The following ATP6V0D1 variants were observed in gnomAD, a reference collection of about 807,000 sequenced individuals.
ATP6V0D1 encodes V-type proton ATPase subunit d 1.
Under a neutral mutation model 39.0 loss-of-function variants are expected in ATP6V0D1, and 13 were observed. The observed-to-expected ratio is 0.33, with a 90% CI of 0.22 to 0.53. The LOEUF is 0.53. Ranked by LOEUF, ATP6V0D1 falls within the 20% of genes least tolerant of loss-of-function variation. ATP6V0D1 has a pLI of 0.94. For missense variants in ATP6V0D1, 272 were observed against 470.9 expected, an observed-to-expected ratio of 0.58 and a Z score of 3.91; for synonymous variants, 191 against 191.2, an observed-to-expected ratio of 1.00 and a Z score of 0.01.
chr16:67,448,435 G>A lies in ATP6V0D1; in HGVS notation c.303-3729C>T, dbSNP rs746949979. 5.9e-5 allele frequency among the ~76,000 whole-genome samples: 9 copies of A among 152,138 alleles called. 1 individual carries two copies. In the South Asian group the frequency reaches 1.0e-3, roughly 18 times the overall value. On this transcript the variant is annotated intron_variant, in intron 2 of 7. Coordinates refer to ENST00000290949, the MANE Select transcript of ATP6V0D1 (RefSeq NM_004691.5). ...AGCACTTTGGGAGGCCGAGGAGGGC[G>A]GATCACTTGAGGCCAGGAGTTTGAG...
At chr16:67,466,326 T>TAC (rs536624557) in intron 1 of ATP6V0D1, among the ~76,000 whole-genome samples, 10,092 of 120,420 alleles carry the variant, frequency 0.084, 403 homozygotes, top group South Asian at 0.094. Context: ...AGTAAACACA[T>TAC]ACACACACAC....
rs186801369 is a variant in ATP6V0D1, at chr16:67,457,172, G to A, written c.131-3457C>T. On this transcript the variant is annotated intron_variant, in intron 1 of 7. Coordinates refer to ENST00000290949, the MANE Select transcript of ATP6V0D1 (RefSeq NM_004691.5). Reference sequence around the variant, plus strand: ...AGATCTACTCTAACTGGAAACACATGGGCTGTACGGTGTACTCATCCCCAT... The same window carrying A: ...AGATCTACTCTAACTGGAAACACATAGGCTGTACGGTGTACTCATCCCCAT... 8 of 185,886 alleles carry A rather than the reference G, an allele frequency of 4.3e-5. No individual in the cohort carries two copies. In the East Asian group the frequency reaches 9.1e-4, roughly 21 times the overall value. 11.5% of individuals were successfully genotyped at this position (185,886 alleles called of 1,614,324 possible). A position where few individuals can be genotyped will look rare whatever the true frequency, so the allele number is the denominator to read the frequency against.
At chr16:67,443,869 G>C (rs1490915401) in intron 3 of ATP6V0D1, among the ~76,000 whole-genome samples, 1 of 152,224 alleles carries the variant, frequency 6.6e-6, no homozygotes, top group African/African-American at 2.4e-5. Flanking sequence ...GTGCAGCTTA[G>C]AGCCCTGTAG....
At chr16:67,479,739 T>C (rs1040777052) in intron 1 of ATP6V0D1, among the ~76,000 whole-genome samples, 9 of 152,078 alleles carry the variant, frequency 5.9e-5, no homozygotes, top group African/African-American at 1.9e-4. Context: ...CAGCTACCAA[T>C]TACGAGGCTA....
rs542284188 is a variant in ATP6V0D1, at chr16:67,443,449, G to A, written c.482-271C>T. The stretch of plus-strand genomic sequence containing the variant: ...ACATGATCTAATCACCGCTGGGGCA[G>A]ACCCAAGCTCAGACCATGCCAAAGA... On this transcript the variant is annotated intron_variant, in intron 3 of 7. Coordinates refer to ENST00000290949, the MANE Select transcript of ATP6V0D1 (RefSeq NM_004691.5). 4.8e-4 allele frequency: 210 copies of A among 438,966 alleles called. 1 individual carries two copies. Among genetic ancestry groups the A allele is most frequent in the African/African-American group, 3.8e-3 (196 of 51,384 alleles). The allele number at this position is 438,966 out of a possible 1,614,324, so 27.2% of individuals were successfully genotyped here.
Position 67,444,751 on chromosome 16 carries a change from C to A in ATP6V0D1, c.303-45G>T. On this transcript the variant is annotated intron_variant, in intron 2 of 7. Transcript: ENST00000290949. The surrounding 1 kb of genome is among the most constrained non-coding windows in gnomAD (Gnocchi z 4.8). Reference sequence around the variant, plus strand: ...GCAAGGAGCCCATCAAGGTGGGGGCCGGGAAGTCCTGGCATAGCACCATGC... The same window carrying A: ...GCAAGGAGCCCATCAAGGTGGGGGCAGGGAAGTCCTGGCATAGCACCATGC... The A allele has an allele frequency of 6.6e-7, 1 of 1,520,448 alleles. No individual in the cohort carries two copies. The highest frequency in any genetic ancestry group is 8.9e-7 in the Non-Finnish European group (1 of 1,129,650). 94.2% of individuals were successfully genotyped at this position (1,520,448 alleles called of 1,614,324 possible). A position where few individuals can be genotyped will look rare whatever the true frequency, so the allele number is the denominator to read the frequency against.
In ATP6V0D1 at chr16:67,439,286, G is replaced by A; in HGVS notation, c.627C>T (p.Cys209=). The A allele has an allele frequency of 6.2e-7, 1 of 1,614,116 alleles. No homozygotes were observed. Among genetic ancestry groups the A allele is most frequent in the Non-Finnish European group, 8.5e-7 (1 of 1,180,034 alleles). ...LLGGTTADAM[C]PILEFEADRR... ...GGCAGGCACTCACCTCCAGGATGGGGCACATGGCATCAGCCGTAGTCCCGC... is the reference window on the plus strand; with the variant it reads ...GGCAGGCACTCACCTCCAGGATGGGACACATGGCATCAGCCGTAGTCCCGC... Residue 209 remains cysteine, a synonymous_variant, in exon 5 of 8, where the codon TGC becomes TGT. Transcript: ENST00000290949.
At chr16:67,442,854 C>T (rs1567533727) in intron 4 of ATP6V0D1, among the ~76,000 whole-genome samples, 3 of 152,234 alleles carry the variant, frequency 2.0e-5, no homozygotes, top group South Asian at 2.1e-4. Flanking sequence ...AACAGGCCAG[C>T]GGTGGAGCAC....
chr16:67,476,177 G>A (rs1040587545), intron 1 of ATP6V0D1, among the ~76,000 whole-genome samples: 15 of 151,330 alleles, frequency 9.9e-5, no homozygotes, highest in African/African-American at 3.4e-4. Context: ...AGCTGAGAAC[G>A]TGCCACTGCA....
Position 67,447,622 on chromosome 16 carries a change from G to A in ATP6V0D1, c.303-2916C>T, listed in dbSNP as rs2041132772. 6.6e-6 allele frequency among the ~76,000 whole-genome samples: 1 copy of A among 152,180 alleles called. No homozygotes were observed. Among genetic ancestry groups the A allele is most frequent in the Non-Finnish European group, 1.5e-5 (1 of 68,024 alleles). On this transcript the variant is annotated intron_variant, in intron 2 of 7. Transcript: ENST00000290949. This position sits in a 1 kb window ranked among gnomAD's most constrained non-coding sequence, Gnocchi z 4.1. ...AAAGAGGCCCTTGTGGGGTGGGGGTGGGGCCGTCTGTATTCCTCTGCCCAG... is the reference window on the plus strand; with the variant it reads ...AAAGAGGCCCTTGTGGGGTGGGGGTAGGGCCGTCTGTATTCCTCTGCCCAG...
intron 1 of ATP6V0D1, among the ~76,000 whole-genome samples, chr16:67,477,305 C>T (rs1321901955): frequency 6.6e-6 from 1 of 151,954 alleles, no homozygotes; most frequent in East Asian, 1.9e-4. Flanking sequence ...ATTTGCATCC[C>T]AATTGAAACA....
intron 2 of ATP6V0D1, chr16:67,452,112 AG>A: frequency 7.7e-7 from 1 of 1,304,756 alleles, no homozygotes; most frequent in Non-Finnish European, 1.0e-6. Flanking sequence ...CTTTGCAGCA[AG>A]GAACACAGAG....
In ATP6V0D1 at chr16:67,453,824, C is replaced by T; in HGVS notation, c.131-109G>A. The T allele has an allele frequency of 9.9e-7, 1 of 1,010,824 alleles. No homozygotes were observed. Among genetic ancestry groups the T allele is most frequent in the Non-Finnish European group, 1.5e-6 (1 of 681,704 alleles). 62.6% of individuals were successfully genotyped at this position (1,010,824 alleles called of 1,614,324 possible). Reference sequence around the variant, plus strand: ...CCCCAGCTCTCCCCTGCAGTTGTGTCCCGCTACTACCCTGATCTCCATCTC... The same window carrying T: ...CCCCAGCTCTCCCCTGCAGTTGTGTTCCGCTACTACCCTGATCTCCATCTC... On this transcript the variant is annotated intron_variant, in intron 1 of 7. Transcript: ENST00000290949. The surrounding 1 kb of genome is among the most constrained non-coding windows in gnomAD (Gnocchi z 4.1).
At chr16:67,472,731 G>T (rs1411508573) in intron 1 of ATP6V0D1, among the ~76,000 whole-genome samples, 1 of 152,066 alleles carries the variant, frequency 6.6e-6, no homozygotes, top group Admixed American at 6.6e-5. Context: ...TTTGCCGGGC[G>T]TGGTGGCGGG....
chr16:67,463,424 G>A (rs761455383), intron 1 of ATP6V0D1, among the ~76,000 whole-genome samples: 1 of 152,024 alleles, frequency 6.6e-6, no homozygotes, highest in Non-Finnish European at 1.5e-5. Context: ...CCAACTACTC[G>A]AAAGGCTAAG....
At chr16:67,472,445 T>TC (rs1422892309) in intron 1 of ATP6V0D1, among the ~76,000 whole-genome samples, 2 of 152,230 alleles carry the variant, frequency 1.3e-5, no homozygotes, top group Non-Finnish European at 2.9e-5. Flanking sequence ...TGTCATCTCT[T>TC]CCTTTGGATC....
intron 1 of ATP6V0D1, among the ~76,000 whole-genome samples, chr16:67,476,054 A>G (rs1396617726): frequency 1.3e-5 from 2 of 152,100 alleles, no homozygotes; most frequent in African/African-American, 2.4e-5. Context: ...ACATGGTGTA[A>G]CCCCATCTCT....
intron 4 of ATP6V0D1, among the ~76,000 whole-genome samples, chr16:67,442,763 G>A (rs1354871642): frequency 6.6e-6 from 1 of 152,176 alleles, no homozygotes; most frequent in Non-Finnish European, 1.5e-5. Flanking sequence ...CTTAGGTAGG[G>A]CGGTTCCAGG....
intron 1 of ATP6V0D1, among the ~76,000 whole-genome samples, chr16:67,462,249 C>A (rs2041294518): frequency 6.6e-6 from 1 of 152,224 alleles, no homozygotes; most frequent in Non-Finnish European, 1.5e-5. Context: ...CACAGCCCAG[C>A]CTGAGAATCA....
Sources: gnomAD v4.1 joint callset for allele counts (sites outside exome capture counted in the v4.1 genomes callset) on GRCh38, gnomAD v4.1.1 for gene constraint, Gnocchi (gnomAD v3.1) non-coding constraint, MANE v1.5 for transcripts, NCBI Gene and HGNC (gene_info 2026-07-23, HGNC 2026-07-21) for gene names.